The following CADM2 variants were observed in gnomAD, a reference collection of about 807,000 sequenced individuals.
CADM2 encodes the protein immunoglobulin superfamily member 4D.
CADM2 carries 12 observed loss-of-function variants against 49.8 expected under a neutral mutation model. That is an observed-to-expected ratio of 0.24 (90% CI 0.15 to 0.39). CADM2 has a LOEUF of 0.39. Ranked by LOEUF, CADM2 falls within the 10% of genes least tolerant of loss-of-function variation. The pLI is 1.00. For missense variants in CADM2, 378 were observed against 492.3 expected, an observed-to-expected ratio of 0.77 and a Z score of 2.20; for synonymous variants, 214 against 175.4, an observed-to-expected ratio of 1.22 and a Z score of -1.74.
At chr3:85,418,696 A>C (rs1357078570) in intron 1 of CADM2, among the ~76,000 whole-genome samples, 3 of 152,176 alleles carry the variant, frequency 2.0e-5, no homozygotes, top group African/African-American at 7.2e-5. Flanking sequence ...GTCTATTGAA[A>C]CATTCATAAA....
intron 1 of CADM2, among the ~76,000 whole-genome samples, chr3:84,994,132 G>T (rs1375588162): frequency 3.3e-5 from 5 of 151,924 alleles, no homozygotes; most frequent in Admixed American, 2.0e-4. Flanking sequence ...AATACTTCAG[G>T]CTTGTCATGT....
chr3:85,470,710 T>C (rs577289413), intron 1 of CADM2, among the ~76,000 whole-genome samples: 1 of 152,308 alleles, frequency 6.6e-6, no homozygotes, highest in South Asian at 2.1e-4. Context: ...TGCTGGATTT[T>C]ACATTGAAAA....
chr3:85,360,172 T>A (rs1325636233), intron 1 of CADM2, among the ~76,000 whole-genome samples: 2 of 152,004 alleles, frequency 1.3e-5, no homozygotes. Flanking sequence ...AGTATTATGG[T>A]TTTTTACTAA....
At chr3:85,845,624 G>C (rs552566267) in intron 3 of CADM2, among the ~76,000 whole-genome samples, 71 of 152,262 alleles carry the variant, frequency 4.7e-4, no homozygotes, top group African/African-American at 1.6e-3. Context: ...CCAGGCCAGA[G>C]TTGGAATACC....
intron 1 of CADM2, among the ~76,000 whole-genome samples, chr3:85,016,654 A>G (rs1040010418): frequency 2.6e-5 from 4 of 151,984 alleles, no homozygotes; most frequent in African/African-American, 9.7e-5. Context: ...TTAGCCGGGC[A>G]TGAAGGTGCG....
intron 1 of CADM2, among the ~76,000 whole-genome samples, chr3:85,186,520 T>G (rs906190057): frequency 6.6e-6 from 1 of 152,118 alleles, no homozygotes; most frequent in African/African-American, 2.4e-5. Flanking sequence ...ATTTATACCT[T>G]TATGTGGTAT....
At chr3:85,190,677 A>G (rs2041187278) in intron 1 of CADM2, among the ~76,000 whole-genome samples, 1 of 152,162 alleles carries the variant, frequency 6.6e-6, no homozygotes, top group South Asian at 2.1e-4. Flanking sequence ...CAGTAGAATA[A>G]TATTAAGCAA....
chr3:85,545,353 T>C (rs1480403943), intron 1 of CADM2, among the ~76,000 whole-genome samples: 2 of 152,242 alleles, frequency 1.3e-5, no homozygotes, highest in Non-Finnish European at 2.9e-5. Flanking sequence ...ACACAGTCTC[T>C]TTCAATTTTT....
At chr3:85,979,996 G>A (rs576754078) in intron 8 of CADM2, among the ~76,000 whole-genome samples, 12 of 151,446 alleles carry the variant, frequency 7.9e-5, no homozygotes, top group East Asian at 5.9e-4. Flanking sequence ...TTGTGGTTGA[G>A]AAATATAAAA....
At chr3:85,777,510 C>T (rs908717377) in intron 2 of CADM2, among the ~76,000 whole-genome samples, 1 of 152,084 alleles carries the variant, frequency 6.6e-6, no homozygotes, top group Non-Finnish European at 1.5e-5. Context: ...CCGCCTTGGG[C>T]TCCCAAAGTG....
chr3:85,163,574 A>C (rs1487648623), intron 1 of CADM2, among the ~76,000 whole-genome samples: 1 of 152,100 alleles, frequency 6.6e-6, no homozygotes, highest in African/African-American at 2.4e-5. Context: ...ATTAATCTGC[A>C]TGTATTTAAG....
At chr3:85,988,878 T>C (rs1396431165) in intron 8 of CADM2, among the ~76,000 whole-genome samples, 1 of 152,184 alleles carries the variant, frequency 6.6e-6, no homozygotes, top group African/African-American at 2.4e-5. Context: ...AGTGTTTACA[T>C]GGGCAAAAGA....
intron 1 of CADM2, among the ~76,000 whole-genome samples, chr3:85,488,654 C>A (rs746480711): frequency 2.6e-4 from 39 of 152,088 alleles, no homozygotes; most frequent in Non-Finnish European, 4.3e-4. Context: ...GTCTCAGCCT[C>A]CCAAGTAGCT....
chr3:85,578,379 G>A (rs1311837981), intron 1 of CADM2, among the ~76,000 whole-genome samples: 1 of 152,214 alleles, frequency 6.6e-6, no homozygotes, highest in Non-Finnish European at 1.5e-5. Context: ...TTTGAGAGTA[G>A]GCGCTGGATT....
chr3:85,110,190 G>T (rs368224525), intron 1 of CADM2, among the ~76,000 whole-genome samples: 7 of 151,682 alleles, frequency 4.6e-5, no homozygotes, highest in Non-Finnish European at 8.8e-5. Flanking sequence ...CAATTGAATG[G>T]GACTAATGGT....
chr3:85,190,670 T>G (rs1229024547), intron 1 of CADM2, among the ~76,000 whole-genome samples: 1 of 152,220 alleles, frequency 6.6e-6, no homozygotes, highest in Admixed American at 6.5e-5. Context: ...TAAGGAGCAG[T>G]AGAATAATAT....
chr3:85,124,612 AAACT>A (rs1365357628), intron 1 of CADM2, among the ~76,000 whole-genome samples: 36 of 152,308 alleles, frequency 2.4e-4, no homozygotes, highest in African/African-American at 6.3e-4. Flanking sequence ...CTCAAAAAAC[AAACT>A]AACTAACAAA....
chr3:85,390,431 A>G (rs916969222), intron 1 of CADM2, among the ~76,000 whole-genome samples: 5 of 151,984 alleles, frequency 3.3e-5, no homozygotes, highest in African/African-American at 1.2e-4. Context: ...TGATGCTGCT[A>G]TATATCTATA....
chr3:85,440,810 C>T (rs2037166081), intron 1 of CADM2, among the ~76,000 whole-genome samples: 1 of 151,954 alleles, frequency 6.6e-6, no homozygotes, highest in Admixed American at 6.6e-5. Flanking sequence ...TGGTGAAACC[C>T]CATCTTTACA....
Sources: allele counts gnomAD v4.1 joint callset (sites outside exome capture counted in the v4.1 genomes callset), GRCh38; gene constraint gnomAD v4.1.1; transcripts MANE v1.5; gene names NCBI Gene and HGNC (gene_info 2026-07-23, HGNC 2026-07-21).